The following NT5C2 variants were observed in gnomAD, a reference collection of about 807,000 sequenced individuals.
NT5C2 encodes the protein cytosolic purine 5'-nucleotidase.
A neutral mutation model predicts 76.1 loss-of-function variants in NT5C2; 58 were observed. The observed-to-expected ratio is 0.76, with a 90% CI of 0.62 to 0.95. The LOEUF is 0.95. Ranked by LOEUF, NT5C2 falls within the 40% of genes least tolerant of loss-of-function variation. The probability of loss-of-function intolerance (pLI) is 0.00; values close to 1 mark genes in which losing one functional copy is unlikely to be tolerated. For synonymous variants in NT5C2, 229 were observed against 237.4 expected (o/e 0.96, Z 0.32); for missense variants, 478 against 690.3 (o/e 0.69, Z 3.45).
intron 4 of NT5C2, among the ~76,000 whole-genome samples, chr10:103,129,992 C>G (rs1186454890): frequency 3.3e-5 from 5 of 150,532 alleles, no homozygotes; most frequent in African/African-American, 4.9e-5. Flanking sequence ...CGCCTCTGCC[C>G]GGCCGCCCCT....
chr10:103,174,278 G>A (rs1184652674), intron 3 of NT5C2, among the ~76,000 whole-genome samples: 3 of 152,164 alleles, frequency 2.0e-5, no homozygotes, highest in African/African-American at 4.8e-5. Flanking sequence ...ATGGGGCCAT[G>A]CCTGTAATCC....
At chr10:103,120,098 CAAA>C (rs529049131) in intron 4 of NT5C2, among the ~76,000 whole-genome samples, 1 of 130,928 alleles carries the variant, frequency 7.6e-6, no homozygotes. Flanking sequence ...GACCCTGTTT[CAAA>C]AAAAAAAAAG....
intron 4 of NT5C2, among the ~76,000 whole-genome samples, chr10:103,126,776 G>T (rs12779263): frequency 0.29 from 43,712 of 152,030 alleles, 6,483 homozygotes; most frequent in Middle Eastern, 0.34. Flanking sequence ...GAATAATGCG[G>T]GTTTGAACTG....
chr10:103,191,396 AAAG>A (rs753446050), intron 1 of NT5C2, among the ~76,000 whole-genome samples: 5 of 127,764 alleles, frequency 3.9e-5, no homozygotes, highest in South Asian at 5.5e-4. Context: ...AAAAAAAAAA[AAAG>A]AGAGAGAGAG....
chr10:103,164,931 A>G (rs1174809388), intron 3 of NT5C2, among the ~76,000 whole-genome samples: 1 of 152,228 alleles, frequency 6.6e-6, no homozygotes, highest in African/African-American at 2.4e-5. Flanking sequence ...GAATGGTAGT[A>G]AAGAGAGAGT....
At chr10:103,166,835 TAG>T (rs1387019007) in intron 3 of NT5C2, among the ~76,000 whole-genome samples, 2 of 152,032 alleles carry the variant, frequency 1.3e-5, no homozygotes, top group African/African-American at 4.8e-5. Flanking sequence ...TTACTTTTTG[TAG>T]AGACAGGGTA....
At chr10:103,164,190 G>A (rs534412576) in intron 3 of NT5C2, among the ~76,000 whole-genome samples, 1 of 152,274 alleles carries the variant, frequency 6.6e-6, no homozygotes, top group South Asian at 2.1e-4. Flanking sequence ...CAAGGCTGCA[G>A]TGAGCTATGA....
chr10:103,131,199 G>A (rs1300425923), intron 4 of NT5C2, among the ~76,000 whole-genome samples: 1 of 152,170 alleles, frequency 6.6e-6, no homozygotes, highest in Non-Finnish European at 1.5e-5. Context: ...TAGGATCACT[G>A]TATTCTAAGA....
intron 18 of NT5C2, 172 bp from the exon 19 acceptor site, chr10:103,090,080 T>A (rs1417006993): frequency 2.0e-6 from 1 of 500,514 alleles, no homozygotes; most frequent in Admixed American, 3.7e-5. Context: ...CCTGTCTTCC[T>A]CTCTCCCTGC....
intron 3 of NT5C2, among the ~76,000 whole-genome samples, chr10:103,162,600 G>C (rs1406806439): frequency 1.3e-5 from 2 of 152,126 alleles, no homozygotes; most frequent in Admixed American, 6.5e-5. Context: ...CTCATACATT[G>C]TAAGTGGAAC....
chr10:103,146,773 C>CT (rs2081547101), intron 3 of NT5C2, among the ~76,000 whole-genome samples: 2 of 152,330 alleles, frequency 1.3e-5, no homozygotes, highest in Admixed American at 1.3e-4. Context: ...ATCTTCCATT[C>CT]AATTCACAGT....
intron 4 of NT5C2, chr10:103,125,161 G>C: frequency 8.7e-6 from 5 of 571,634 alleles, no homozygotes; most frequent in South Asian, 6.7e-5. Flanking sequence ...CTAGATCTTT[G>C]AGTTGCACAT....
intron 3 of NT5C2, among the ~76,000 whole-genome samples, chr10:103,151,084 C>T (rs1476925375): frequency 6.6e-6 from 1 of 151,970 alleles, no homozygotes; most frequent in Non-Finnish European, 1.5e-5. Context: ...TTTTAATGTA[C>T]AGTTTGAGAT....
intron 4 of NT5C2, among the ~76,000 whole-genome samples, chr10:103,123,291 A>T (rs1289552669): frequency 6.7e-6 from 1 of 149,992 alleles, no homozygotes; most frequent in Non-Finnish European, 1.5e-5. Flanking sequence ...CACTGCTAAT[A>T]TTTTTTTTTT....
At chr10:103,156,497 G>A (rs945329909) in intron 3 of NT5C2, among the ~76,000 whole-genome samples, 2 of 152,222 alleles carry the variant, frequency 1.3e-5, no homozygotes, top group African/African-American at 4.8e-5. Flanking sequence ...GCTCATGCCT[G>A]TAATCCCAGC....
intron 4 of NT5C2, among the ~76,000 whole-genome samples, chr10:103,116,405 C>G (rs1407445251): frequency 2.6e-5 from 4 of 152,080 alleles, no homozygotes; most frequent in African/African-American, 9.7e-5. Flanking sequence ...GAAGTGTACA[C>G]AAGTATTATG....
chr10:103,101,386 T>G (rs1387696466), intron 6 of NT5C2, 60 bp from the exon 7 acceptor site: 2 of 960,924 alleles, frequency 2.1e-6, no homozygotes, highest in Non-Finnish European at 3.2e-6. Context: ...AATTGGGAAA[T>G]AGCATTATTC....
At chr10:103,175,774 G>GAGGCCAAGGGGGC (rs573548961) in intron 2 of NT5C2, 330 of 260,614 alleles carry the variant, frequency 1.3e-3, no homozygotes, top group African/African-American at 6.4e-3. Flanking sequence ...CCAGGGTGCT[G>GAGGCCAAGGGGGC]AGGCCAAGGG....
At position 103,140,758 on chromosome 10, in the gene NT5C2, T is replaced by C. The variant is rs568680120; in HGVS notation, c.102-1279A>G. On this transcript the variant is annotated intron_variant, in intron 3 of 18. Transcript: ENST00000404739. ...ATGAGATGATATCTCATTGTGGTTT[T>C]GATTTGCACTTCCCCTGATGATTAA... Among the ~76,000 whole-genome samples the C allele has an allele frequency of 2.6e-5, 4 of 152,354 alleles. No homozygotes were observed. In the South Asian group the frequency reaches 8.3e-4, roughly 32 times the overall value.
Sources: gnomAD v4.1 joint callset for allele counts (sites outside exome capture counted in the v4.1 genomes callset) on GRCh38, gnomAD v4.1.1 for gene constraint, MANE v1.5 for transcripts, NCBI Gene and HGNC (gene_info 2026-07-23, HGNC 2026-07-21) for gene names.